The following PEX7 variants were observed in gnomAD, a reference collection of about 807,000 sequenced individuals.
PEX7 encodes the protein PTS2 receptor.
A neutral mutation model predicts 47.5 loss-of-function variants in PEX7; 34 were observed. The ratio of observed to expected loss-of-function variants is 0.72; its 90% CI spans 0.54 to 0.95. The LOEUF is 0.95. PEX7 is among the 40% of genes least tolerant of loss of function. The pLI, the probability that PEX7 is intolerant of heterozygous loss-of-function variation, is 0.00. For missense variants in PEX7, 394 were observed against 400.3 expected, an observed-to-expected ratio of 0.98 and a Z score of 0.13; for synonymous variants, 141 against 148.8, an observed-to-expected ratio of 0.95 and a Z score of 0.38.
intron 5 of PEX7, among the ~76,000 whole-genome samples, chr6:136,853,994 A>T (rs531604760): frequency 5.4e-4 from 82 of 152,046 alleles, no homozygotes; most frequent in African/African-American, 2.0e-3. Context: ...TTGGGATGGG[A>T]CCAGTAATAT....
chr6:136,843,194 G>C (rs1195402355), intron 3 of PEX7, among the ~76,000 whole-genome samples: 1 of 152,136 alleles, frequency 6.6e-6, no homozygotes, highest in Non-Finnish European at 1.5e-5. Context: ...TACTAGCTTT[G>C]GGACTCTGGA....
intron 3 of PEX7, among the ~76,000 whole-genome samples, chr6:136,829,372 A>G (rs1474597771): frequency 2.0e-5 from 3 of 152,126 alleles, no homozygotes; most frequent in African/African-American, 7.2e-5. Flanking sequence ...TTTTCATTGT[A>G]TCTGCAGGTG....
chr6:136,873,001 C>T lies in PEX7; in HGVS notation c.803+748C>T, dbSNP rs73777762. Reference sequence around the variant, plus strand: ...TCAGAAGTTACTTAGGTTAATTCTCCTCTTCTCTGTTAGAGTGTGGTTATG... The same window carrying T: ...TCAGAAGTTACTTAGGTTAATTCTCTTCTTCTCTGTTAGAGTGTGGTTATG... On this transcript the variant is annotated intron_variant, in intron 8 of 9. Coordinates refer to ENST00000318471, the MANE Select transcript of PEX7 (RefSeq NM_000288.4). Among the ~76,000 whole-genome samples the T allele has an allele frequency of 3.5e-3, 536 of 152,158 alleles. 7 individuals carry two copies. The highest frequency in any genetic ancestry group is 0.011 in the African/African-American group (477 of 41,532).
At chr6:136,854,499 T>C (rs1774823876) in intron 5 of PEX7, among the ~76,000 whole-genome samples, 1 of 152,136 alleles carries the variant, frequency 6.6e-6, no homozygotes, top group Non-Finnish European at 1.5e-5. Flanking sequence ...TGTTTTTAAT[T>C]TAGTATAAAT....
intron 5 of PEX7, among the ~76,000 whole-genome samples, chr6:136,861,352 G>T (rs1774960961): frequency 1.3e-5 from 2 of 152,120 alleles, no homozygotes; most frequent in South Asian, 4.1e-4. Flanking sequence ...CAAAGTGCTA[G>T]GATTACAAGT....
chr6:136,833,087 C>T (rs565427599), intron 3 of PEX7, among the ~76,000 whole-genome samples: 18 of 152,240 alleles, frequency 1.2e-4, no homozygotes, highest in African/African-American at 4.3e-4. Context: ...AGTCCTTTTT[C>T]ACACTGCTAT....
At chr6:136,855,724 A>G in intron 5 of PEX7, 1 of 389,042 alleles carries the variant, frequency 2.6e-6, no homozygotes, top group African/African-American at 2.1e-5. Flanking sequence ...AGGATACATG[A>G]CCATGACAAA....
chr6:136,826,444 A>G lies in PEX7; in HGVS notation c.314A>G (p.Gln105Arg). ...ACTGCCAAAGCTGCAGGGCCACTGC[A>G]AGTCTATAAAGAACACGCTCAGGAG... ...WDTAKAAGPLQVYKEHAQEVY... is the reference protein window; with the variant it reads ...WDTAKAAGPLRVYKEHAQEVY... The change falls in exon 3 of 10, where the codon CAA (glutamine) becomes CGA (arginine). Residue 105 changes from glutamine to arginine, a missense_variant. Coordinates refer to ENST00000318471, the MANE Select transcript of PEX7 (RefSeq NM_000288.4). The G allele has an allele frequency of 3.1e-6, 5 of 1,614,006 alleles. No individual in the cohort carries two copies. Among genetic ancestry groups the G allele is most frequent in the Non-Finnish European group, 4.2e-6 (5 of 1,180,026 alleles).
intron 5 of PEX7, among the ~76,000 whole-genome samples, chr6:136,862,964 T>C (rs1339313888): frequency 2.6e-5 from 4 of 152,194 alleles, no homozygotes; most frequent in Admixed American, 6.5e-5. Flanking sequence ...CATTATACAC[T>C]GAAGGCTGGA....
intron 8 of PEX7, among the ~76,000 whole-genome samples, chr6:136,875,159 C>CTT (rs372130143): frequency 5.3e-4 from 79 of 149,112 alleles, no homozygotes; most frequent in Non-Finnish European, 7.0e-4. Context: ...AAAAAAAGAA[C>CTT]TTTTTTTTTT....
At position 136,826,407 on chromosome 6, in the gene PEX7, C is replaced by A; in HGVS notation, c.277C>A (p.Gln93Lys). The change falls in exon 3 of 10, where the codon CAG (glutamine) becomes AAG (lysine). Residue 93 changes from glutamine (Q) to lysine (K), a missense_variant. Transcript: ENST00000318471. ...CACCTGTAGTGGCGATGGCTCGCTG[C>A]AGCTCTGGGACACTGCCAAAGCTGC... is the stretch of plus-strand genomic sequence containing the variant. ...LITCSGDGSL[Q>K]LWDTAKAAGP... 1 of 1,613,912 alleles carries A rather than the reference C, an allele frequency of 6.2e-7. No individual in the cohort carries two copies. The highest frequency in any genetic ancestry group is 8.5e-7 in the Non-Finnish European group (1 of 1,180,008).
At chr6:136,859,792 G>C (rs940129942) in intron 5 of PEX7, among the ~76,000 whole-genome samples, 1 of 152,098 alleles carries the variant, frequency 6.6e-6, no homozygotes, top group Non-Finnish European at 1.5e-5. Flanking sequence ...GGAGGCCAAG[G>C]TGAGCGGATC....
At position 136,865,564 on chromosome 6, in the gene PEX7, G is replaced by T. The variant is rs192823076; in HGVS notation, c.527-1063G>T. Among the ~76,000 whole-genome samples the T allele has an allele frequency of 1.0e-3, 156 of 152,088 alleles. 2 individuals are homozygous for T. Among genetic ancestry groups the T allele is most frequent in the Admixed American group, 9.8e-4 (15 of 15,278 alleles). On this transcript the variant is annotated intron_variant, in intron 5 of 9. Transcript: ENST00000318471. ...TCTGCCCACCTTGGCCTCCCGAAGG[G>T]TAGGGATTACAGGCGTGAGCCACCA...
intron 8 of PEX7, among the ~76,000 whole-genome samples, chr6:136,889,962 G>A (rs1231225428): frequency 1.3e-5 from 2 of 152,116 alleles, no homozygotes; most frequent in African/African-American, 2.4e-5. Context: ...CCCTCTCTCC[G>A]TTATTTGCAC....
rs146081277 is a variant in PEX7, at chr6:136,899,571, G to A, written c.903+1330G>A. On this transcript the variant is annotated intron_variant, in intron 9 of 9. Coordinates refer to ENST00000318471, the MANE Select transcript of PEX7 (RefSeq NM_000288.4). ...ATCTTTATATTTTTAGTAGAGATGG[G>A]GTTTCACCATGTTAGCCAGGCTGGT... Among the ~76,000 whole-genome samples the A allele has an allele frequency of 4.9e-3, 752 of 152,002 alleles. 6 individuals are homozygous for A. Among genetic ancestry groups the A allele is most frequent in the African/African-American group, 0.017 (721 of 41,450 alleles).
intron 8 of PEX7, 84 bp from the exon 9 acceptor site, chr6:136,898,058 C>T (rs939063597): frequency 1.2e-5 from 10 of 806,708 alleles, no homozygotes; most frequent in African/African-American, 1.7e-5. Flanking sequence ...AAAATCTTTG[C>T]TATGTCAAAT....
chr6:136,822,604 G>A lies in PEX7; in HGVS notation c.-62G>A. ...GCCTGGTCTCTCTAACCGCGCCAGT[G>A]TGCCTCCGACTCGGAACGGCTTCCG... On this transcript the variant is annotated 5_prime_UTR_variant, in exon 1 of 10. In the 5' UTR this introduces an upstream ATG that the reference lacks. Coordinates refer to ENST00000318471, the MANE Select transcript of PEX7 (RefSeq NM_000288.4). 1 of 1,449,528 alleles carries A rather than the reference G, an allele frequency of 6.9e-7. No individual in the cohort carries two copies. Among genetic ancestry groups the A allele is most frequent in the Non-Finnish European group, 9.3e-7 (1 of 1,072,974 alleles). 89.8% of individuals were successfully genotyped at this position (1,449,528 alleles called of 1,614,324 possible).
chr6:136,833,401 A>G (rs1774328605), intron 3 of PEX7, among the ~76,000 whole-genome samples: 1 of 152,264 alleles, frequency 6.6e-6, no homozygotes, highest in African/African-American at 2.4e-5. Context: ...TCAGGTGCCA[A>G]TAAAAAATAT....
intron 9 of PEX7, among the ~76,000 whole-genome samples, chr6:136,905,888 A>G (rs1775837809): frequency 6.6e-6 from 1 of 152,204 alleles, no homozygotes; most frequent in African/African-American, 2.4e-5. Context: ...AAGTAATCCT[A>G]GTTTTCCTGT....
Sources: allele counts gnomAD v4.1 joint callset (sites outside exome capture counted in the v4.1 genomes callset), GRCh38; gene constraint gnomAD v4.1.1; transcripts MANE v1.5; gene names NCBI Gene and HGNC (gene_info 2026-07-23, HGNC 2026-07-21).